Variants in PHACTR1 observed in about 807,000 individuals in gnomAD.
PHACTR1 encodes RPEL repeat containing 1.
Under a neutral mutation model 69.2 loss-of-function variants are expected in PHACTR1, and 16 were observed. That is an observed-to-expected ratio of 0.23 (90% CI 0.16 to 0.35). The LOEUF is 0.35. Ranked by LOEUF, PHACTR1 falls within the 10% of genes least tolerant of loss-of-function variation. The probability of loss-of-function intolerance (pLI) is 1.00; values close to 1 mark genes in which losing one functional copy is unlikely to be tolerated. For synonymous variants in PHACTR1, 312 were observed against 284.5 expected (o/e 1.10, Z -0.97); for missense variants, 510 against 734.7 (o/e 0.69, Z 3.54).
intron 4 of PHACTR1, among the ~76,000 whole-genome samples, chr6:12,867,837 G>A (rs1465062109): frequency 6.6e-6 from 1 of 152,168 alleles, no homozygotes; most frequent in African/African-American, 2.4e-5. Context: ...GGGGAAGGGA[G>A]GAACTGGCCT....
chr6:12,726,631 A>G (rs1477851887), intron 3 of PHACTR1, among the ~76,000 whole-genome samples: 1 of 152,190 alleles, frequency 6.6e-6, no homozygotes, highest in Non-Finnish European at 1.5e-5. Context: ...CACAGTGGAA[A>G]TCAGGTTGTC....
chr6:12,997,349 C>A (rs531611521), intron 4 of PHACTR1, among the ~76,000 whole-genome samples: 6 of 146,232 alleles, frequency 4.1e-5, no homozygotes, highest in Non-Finnish European at 9.0e-5. Context: ...ATAAGTAAAT[C>A]TATATTATAT....
chr6:12,720,546 G>A (rs1456505479), intron 3 of PHACTR1, among the ~76,000 whole-genome samples: 2 of 152,158 alleles, frequency 1.3e-5, no homozygotes, highest in South Asian at 2.1e-4. Flanking sequence ...TTTAGACACC[G>A]GAGCTGGAAG....
intron 4 of PHACTR1, among the ~76,000 whole-genome samples, chr6:12,922,948 G>T (rs572884362): frequency 1.3e-5 from 2 of 152,308 alleles, no homozygotes; most frequent in African/African-American, 4.8e-5. Flanking sequence ...GGAGTAAATT[G>T]AAAGAACTAT....
intron 3 of PHACTR1, among the ~76,000 whole-genome samples, chr6:12,739,908 T>A (rs1764812634): frequency 6.6e-6 from 1 of 152,188 alleles, no homozygotes; most frequent in South Asian, 2.1e-4. Flanking sequence ...TGACTTGAAC[T>A]TTTACAAAAG....
rs370703442 is a variant in PHACTR1, at chr6:13,264,364, A to AC, written c.1392-8490dup. ...TTTTATATATTCAGCTTCTCCCTCC[A>AC]CCCCCCACCATCTAATCTGGATTAT... On this transcript the variant is annotated intron_variant, in intron 10 of 14. Transcript: ENST00000332995. 5.5e-3 allele frequency among the ~76,000 whole-genome samples: 824 copies of AC among 150,632 alleles called. 12 individuals carry two copies. The highest frequency in any genetic ancestry group is 0.019 in the African/African-American group (792 of 40,906).
intron 5 of PHACTR1, among the ~76,000 whole-genome samples, chr6:13,138,172 G>T (rs921178138): frequency 1.3e-5 from 2 of 152,152 alleles, no homozygotes; most frequent in Non-Finnish European, 2.9e-5. Flanking sequence ...GAGGCCATCT[G>T]TGTGTGCTAA....
intron 4 of PHACTR1, among the ~76,000 whole-genome samples, chr6:12,855,594 G>T (rs1345144066): frequency 6.6e-6 from 1 of 151,958 alleles, no homozygotes. Flanking sequence ...CTAAATTTTG[G>T]GTTCACAGGG....
chr6:13,145,828 A>C (rs1035090395), intron 5 of PHACTR1, among the ~76,000 whole-genome samples: 4 of 152,200 alleles, frequency 2.6e-5, no homozygotes, highest in African/African-American at 9.7e-5. Flanking sequence ...TGAGAAAACA[A>C]ATTCCTGTTG....
intron 8 of PHACTR1, among the ~76,000 whole-genome samples, chr6:13,223,659 G>A (rs1769058032): frequency 6.6e-6 from 1 of 152,108 alleles, no homozygotes; most frequent in South Asian, 2.1e-4. Context: ...TAATACAGTA[G>A]GTTCAAATTT....
chr6:13,090,754 G>A (rs1813123916), intron 5 of PHACTR1, among the ~76,000 whole-genome samples: 1 of 152,116 alleles, frequency 6.6e-6, no homozygotes, highest in Non-Finnish European at 1.5e-5. Flanking sequence ...AATTCACTGA[G>A]TTTGTTTTTT....
At chr6:13,125,413 C>T (rs1819381901) in intron 5 of PHACTR1, among the ~76,000 whole-genome samples, 1 of 151,872 alleles carries the variant, frequency 6.6e-6, no homozygotes, top group Admixed American at 6.6e-5. Context: ...TTAAGACCAG[C>T]AGCTTTTAGA....
intron 4 of PHACTR1, among the ~76,000 whole-genome samples, chr6:13,008,461 C>T (rs1799071750): frequency 6.6e-6 from 1 of 152,212 alleles, no homozygotes; most frequent in African/African-American, 2.4e-5. Context: ...ACTAGCCATT[C>T]ACAGCAAGCT....
chr6:13,243,691 GTAA>G (rs1773180356), intron 10 of PHACTR1, among the ~76,000 whole-genome samples: 2 of 152,178 alleles, frequency 1.3e-5, no homozygotes, highest in Non-Finnish European at 2.9e-5. Context: ...TGTCACCCAG[GTAA>G]TAAGCATAGT....
chr6:12,909,710 C>A (rs1282103970), intron 4 of PHACTR1, among the ~76,000 whole-genome samples: 4 of 152,178 alleles, frequency 2.6e-5, no homozygotes, highest in Admixed American at 2.6e-4. Flanking sequence ...CATGAGAGTT[C>A]ATTTGAAACT....
intron 4 of PHACTR1, among the ~76,000 whole-genome samples, chr6:12,953,139 G>A (rs1027416911): frequency 3.3e-5 from 5 of 152,088 alleles, no homozygotes; most frequent in African/African-American, 1.2e-4. Context: ...CCTGGCCAAT[G>A]TGGTGAAACC....
chr6:12,800,354 G>C (rs1388895962), intron 4 of PHACTR1, among the ~76,000 whole-genome samples: 1 of 152,192 alleles, frequency 6.6e-6, no homozygotes, highest in African/African-American at 2.4e-5. Flanking sequence ...AGAAGATGAA[G>C]AGTGAGTGGG....
At chr6:13,062,611 A>G (rs576627999) in intron 5 of PHACTR1, among the ~76,000 whole-genome samples, 2 of 152,326 alleles carry the variant, frequency 1.3e-5, no homozygotes, top group South Asian at 4.1e-4. Context: ...CTGTTCTGGA[A>G]GAGTCTGTCC....
At chr6:13,213,088 T>TTGAG (rs547670652) in intron 8 of PHACTR1, among the ~76,000 whole-genome samples, 1,928 of 151,882 alleles carry the variant, frequency 0.013, 27 homozygotes, top group African/African-American at 0.039. Context: ...GCTTATAGGT[T>TTGAG]TGAGTGAGTG....
Sources: allele counts gnomAD v4.1 joint callset (sites outside exome capture counted in the v4.1 genomes callset), GRCh38; gene constraint gnomAD v4.1.1; transcripts MANE v1.5; gene names NCBI Gene and HGNC (gene_info 2026-07-23, HGNC 2026-07-21).